The following MZT2A variants were observed in gnomAD, a reference collection of about 807,000 sequenced individuals.
MZT2A encodes mitotic-spindle organizing protein 2A.
A neutral mutation model predicts 12.4 loss-of-function variants in MZT2A; 8 were observed. That is an observed-to-expected ratio of 0.64 (90% CI 0.38 to 1.16). MZT2A has a LOEUF of 1.16. Ranked by LOEUF, MZT2A falls within the 50% of genes most tolerant of loss-of-function variation. The pLI is 0.01. For synonymous variants in MZT2A, 88 were observed against 107.5 expected (o/e 0.82, Z 1.12); for missense variants, 181 against 223.6 (o/e 0.81, Z 1.22).
chr2:131,486,900 C>T (rs895832180), intron 2 of MZT2A, among the ~76,000 whole-genome samples: 64 of 152,224 alleles, frequency 4.2e-4, no homozygotes, highest in South Asian at 6.2e-4. Flanking sequence ...TCAGGAATTG[C>T]GTGCTCTCGG....
intron 2 of MZT2A, chr2:131,489,772 C>G: frequency 1.3e-6 from 1 of 785,230 alleles, no homozygotes; most frequent in Non-Finnish European, 1.5e-6. Flanking sequence ...CTTGACTTCC[C>G]GAAGTGCTGG....
chr2:131,485,613 T>C (rs2599741), intron 2 of MZT2A, among the ~76,000 whole-genome samples: 7 of 152,150 alleles, frequency 4.6e-5, no homozygotes, highest in Non-Finnish European at 7.3e-5. Context: ...GGCTCTCATC[T>C]TGGAAAGGTT....
At chr2:131,490,852 T>A (rs1679265341) in intron 2 of MZT2A, 1 of 1,549,866 alleles carries the variant, frequency 6.5e-7, no homozygotes, top group Non-Finnish European at 8.7e-7. Flanking sequence ...ACGAGGGCCT[T>A]GCAGGGGGGC....
chr2:131,474,468 G>T (rs537062555), intron 2 of MZT2A, among the ~76,000 whole-genome samples: 266 of 136,652 alleles, frequency 1.9e-3, no homozygotes, highest in Non-Finnish European at 2.9e-3. Flanking sequence ...GGAGTGCAAT[G>T]GTGTGATCTT....
downstream of MZT2A, among the ~76,000 whole-genome samples, chr2:131,482,381 C>T (rs1678891447): frequency 6.6e-6 from 1 of 152,204 alleles, no homozygotes; most frequent in African/African-American, 2.4e-5. Flanking sequence ...CTCTATTCCT[C>T]ATCTGGAACT....
In MZT2A at chr2:131,492,161, G is replaced by A. The variant is rs376121530; in HGVS notation, c.170+46C>T. 11 of 1,535,668 alleles carry A rather than the reference G, an allele frequency of 7.2e-6. No individual in the cohort carries two copies. In the East Asian group the frequency reaches 7.3e-5, roughly 10 times the overall value. On this transcript the variant is annotated intron_variant, in intron 1 of 2. Transcript: ENST00000309451. The stretch of plus-strand genomic sequence containing the variant: ...GGCCGGGCGTACCCGGAGAGCAGAG[G>A]TCGGGGGTGTCTGGCGAGCATGCGG...
chr2:131,492,100 G>T, intron 1 of MZT2A, 76 bp from the exon 2 acceptor site: 4 of 1,562,346 alleles, frequency 2.6e-6, no homozygotes, highest in Non-Finnish European at 3.5e-6. Flanking sequence ...GGACAAGGAC[G>T]GGGGCGGGGG....
chr2:131,474,185 C>T (rs1678565702), intron 2 of MZT2A, among the ~76,000 whole-genome samples: 1 of 151,400 alleles, frequency 6.6e-6, no homozygotes, highest in African/African-American at 2.4e-5. Context: ...GCAAGCTCCA[C>T]CTCCCGGGTT....
At chr2:131,477,409 C>A (rs1241753742) in intron 2 of MZT2A, among the ~76,000 whole-genome samples, 1 of 152,110 alleles carries the variant, frequency 6.6e-6, no homozygotes, top group Non-Finnish European at 1.5e-5. Context: ...CCATTACAGG[C>A]TTCAAGGGGT....
At chr2:131,475,267 T>G (rs1041537418) in intron 2 of MZT2A, among the ~76,000 whole-genome samples, 1 of 151,008 alleles carries the variant, frequency 6.6e-6, no homozygotes, top group African/African-American at 2.4e-5. Context: ...AGGCATGAGC[T>G]GGTGTGCCTG....
At chr2:131,480,064 C>T (rs1678801951), downstream of MZT2A, 1 of 1,575,060 alleles carries the variant, frequency 6.3e-7, no homozygotes, top group Admixed American at 1.8e-5. Context: ...TGTGGTTTCT[C>T]TCAGGCGGAT....
intron 2 of MZT2A, among the ~76,000 whole-genome samples, chr2:131,486,817 T>G (rs1679069950): frequency 6.6e-6 from 1 of 151,998 alleles, no homozygotes; most frequent in Non-Finnish European, 1.5e-5. Context: ...TCTGACAGGG[T>G]TGACAAACCC....
chr2:131,484,285 C>A, intron 2 of MZT2A, 67 bp from the exon 3 acceptor site: 1 of 1,582,094 alleles, frequency 6.3e-7, no homozygotes, highest in Non-Finnish European at 8.6e-7. Flanking sequence ...CTGCTGTACT[C>A]GTGCTCCTTG....
chr2:131,470,436 A>G, intron 3 of MZT2A: 1 of 1,037,736 alleles, frequency 9.6e-7, no homozygotes, highest in Non-Finnish European at 1.3e-6. Flanking sequence ...GTTACAAGTG[A>G]CAGCCAATGC....
intron 2 of MZT2A, among the ~76,000 whole-genome samples, chr2:131,477,045 T>TTTG (rs1678699523): frequency 6.7e-6 from 1 of 149,048 alleles, no homozygotes; most frequent in African/African-American, 2.5e-5. Flanking sequence ...TTCTTTTTTT[T>TTTG]TTTTGAGACA....
intron 2 of MZT2A, chr2:131,475,964 C>A: frequency 1.3e-6 from 1 of 753,480 alleles, no homozygotes; most frequent in Non-Finnish European, 2.1e-6. Flanking sequence ...TGCCTTCCCG[C>A]CAATCCTACA....
At chr2:131,471,392 G>A (rs1704981746) in intron 3 of MZT2A, among the ~76,000 whole-genome samples, 5 of 138,552 alleles carry the variant, frequency 3.6e-5, no homozygotes, top group Admixed American at 3.4e-4. Flanking sequence ...AGCCTATGCA[G>A]TGAGCTGAGA....
At chr2:131,480,737 G>A (rs780683343), downstream of MZT2A, 4 of 1,611,156 alleles carry the variant, frequency 2.5e-6, no homozygotes, top group East Asian at 2.2e-5. Flanking sequence ...ATTGGTGCCC[G>A]ACTGGATTTA....
chr2:131,491,539 C>G, intron 2 of MZT2A: 1 of 469,364 alleles, frequency 2.1e-6, no homozygotes, highest in Non-Finnish European at 3.8e-6. Context: ...AGATTATAGG[C>G]GTGAGCCACG....
Sources: allele counts gnomAD v4.1 joint callset (sites outside exome capture counted in the v4.1 genomes callset), GRCh38; gene constraint gnomAD v4.1.1; transcripts MANE v1.5; gene names NCBI Gene and HGNC (gene_info 2026-07-23, HGNC 2026-07-21).